ARB2A: variants seen among roughly 807,000 people sequenced by gnomAD.
The protein encoded by ARB2A is cotranscriptional regulator ARB2A.
At chr5:94,085,751 G>GTTCTC in the ARB2A span, among the ~76,000 whole-genome samples, 1 of 152,272 alleles carries the variant, frequency 6.6e-6, no homozygotes, top group East Asian at 1.9e-4. Context: ...TTATAGGAGA[G>GTTCTC]CAAATATACT....
At chr5:93,696,594 T>C in the ARB2A span, among the ~76,000 whole-genome samples, 4 of 152,210 alleles carry the variant, frequency 2.6e-5, no homozygotes, top group African/African-American at 7.2e-5. Context: ...GGGGATGTTA[T>C]TGATTCAATG....
At chr5:93,676,991 T>C in the ARB2A span, among the ~76,000 whole-genome samples, 3 of 152,132 alleles carry the variant, frequency 2.0e-5, no homozygotes, top group Non-Finnish European at 2.9e-5. Context: ...AGTCATGTTA[T>C]CTCATAAAGA....
the ARB2A span, among the ~76,000 whole-genome samples, chr5:93,858,449 T>C: frequency 6.6e-6 from 1 of 152,228 alleles, no homozygotes; most frequent in African/African-American, 2.4e-5. Context: ...TTTCTAAGGA[T>C]AGCCATCTCA....
chr5:93,977,488 A>C, the ARB2A span, among the ~76,000 whole-genome samples: 1 of 152,102 alleles, frequency 6.6e-6, no homozygotes, highest in Admixed American at 6.6e-5. Flanking sequence ...ACTGATCTTC[A>C]ACAAAGTCAG....
chr5:93,738,651 C>T, the ARB2A span: 3 of 152,294 alleles, frequency 2.0e-5, no homozygotes, highest in Admixed American at 1.3e-4. Context: ...AGTTCTGATA[C>T]ACACTACAAC....
the ARB2A span, among the ~76,000 whole-genome samples, chr5:93,641,862 A>G: frequency 6.6e-6 from 1 of 152,344 alleles, no homozygotes; most frequent in African/African-American, 2.4e-5. Flanking sequence ...TATACATTAT[A>G]GTAGGAAAAA....
chr5:93,797,712 A>C, the ARB2A span, among the ~76,000 whole-genome samples: 3 of 152,250 alleles, frequency 2.0e-5, no homozygotes, highest in South Asian at 2.1e-4. Flanking sequence ...TATTTTACTG[A>C]GTGTTAATAA....
chr5:94,063,998 A>T, the ARB2A span, among the ~76,000 whole-genome samples: 2 of 152,204 alleles, frequency 1.3e-5, no homozygotes, highest in African/African-American at 4.8e-5. Context: ...AACAGATTCC[A>T]ATCAAAGAGA....
chr5:94,022,781 T>C, the ARB2A span, among the ~76,000 whole-genome samples: 1 of 152,162 alleles, frequency 6.6e-6, no homozygotes, highest in East Asian at 1.9e-4. Context: ...AGTGGGCAAT[T>C]GAAATACTTG....
the ARB2A span, among the ~76,000 whole-genome samples, chr5:93,844,878 A>G: frequency 6.6e-5 from 10 of 152,190 alleles, no homozygotes; most frequent in African/African-American, 2.4e-4. Flanking sequence ...TCCTAACCAC[A>G]TACTGTTGAG....
At chr5:93,976,567 T>C in the ARB2A span, among the ~76,000 whole-genome samples, 1 of 152,146 alleles carries the variant, frequency 6.6e-6, no homozygotes, top group Non-Finnish European at 1.5e-5. Context: ...TGATAGTGAG[T>C]GAATTTTCAT....
chr5:93,837,273 T>C, the ARB2A span, among the ~76,000 whole-genome samples: 9 of 152,338 alleles, frequency 5.9e-5, no homozygotes, highest in Non-Finnish European at 1.2e-4. Flanking sequence ...TCCATCCATG[T>C]TGCTGCAAAG....
chr5:94,064,454 G>A, the ARB2A span, among the ~76,000 whole-genome samples: 19 of 152,272 alleles, frequency 1.2e-4, no homozygotes, highest in Non-Finnish European at 2.1e-4. Flanking sequence ...AACTTTCAAC[G>A]TCTAGAAAGA....
chr5:93,802,645 T>C, the ARB2A span, among the ~76,000 whole-genome samples: 13 of 152,168 alleles, frequency 8.5e-5, no homozygotes, highest in Non-Finnish European at 2.9e-5. Flanking sequence ...TATAAAAAGA[T>C]TGCTATGTGC....
the ARB2A span, among the ~76,000 whole-genome samples, chr5:93,648,333 A>G: frequency 6.6e-6 from 1 of 152,190 alleles, no homozygotes; most frequent in African/African-American, 2.4e-5. Flanking sequence ...TAGTAAAAAC[A>G]TAAGAATATG....
At chr5:93,988,419 G>C in the ARB2A span, among the ~76,000 whole-genome samples, 1 of 152,184 alleles carries the variant, frequency 6.6e-6, no homozygotes, top group African/African-American at 2.4e-5. Context: ...GAAGTGGCAG[G>C]ATCTTTTCAC....
chr5:94,096,976 A>T, the ARB2A span, among the ~76,000 whole-genome samples: 1 of 152,178 alleles, frequency 6.6e-6, no homozygotes, highest in East Asian at 1.9e-4. Context: ...AGACTCAATG[A>T]CCCCCATGGA....
At chr5:93,809,591 T>C in the ARB2A span, among the ~76,000 whole-genome samples, 1 of 152,012 alleles carries the variant, frequency 6.6e-6, no homozygotes, top group Non-Finnish European at 1.5e-5. Flanking sequence ...TACTATTTTA[T>C]GTGGGGAAAG....
the ARB2A span, among the ~76,000 whole-genome samples, chr5:93,873,204 A>T: frequency 3.4e-5 from 5 of 147,172 alleles, no homozygotes. Flanking sequence ...AGGCAGGAGG[A>T]TTGCTTGAGG....
Sources: gnomAD v4.1 joint callset for allele counts (sites outside exome capture counted in the v4.1 genomes callset) on GRCh38, gnomAD v4.1.1 for gene constraint, MANE v1.5 for transcripts, NCBI Gene and HGNC (gene_info 2026-07-23, HGNC 2026-07-21) for gene names.